Variants in PRKG1 observed in about 807,000 individuals in gnomAD.
PRKG1 encodes the protein cGMP-dependent protein kinase 1.
Under a neutral mutation model 88.1 loss-of-function variants are expected in PRKG1, and 35 were observed. The observed-to-expected ratio is 0.40, with a 90% confidence interval of 0.30 to 0.53. PRKG1 has a LOEUF of 0.53. Among genes scored for constraint, PRKG1 ranks in the 20% least tolerant of loss-of-function variants. PRKG1 has a pLI of 0.59. For missense variants in PRKG1, 540 were observed against 839.8 expected, an observed-to-expected ratio of 0.64 and a Z score of 4.41; for synonymous variants, 303 against 292.5, an observed-to-expected ratio of 1.04 and a Z score of -0.37.
intron 3 of PRKG1, among the ~76,000 whole-genome samples, chr10:51,788,280 C>G (rs900024409): frequency 6.6e-6 from 1 of 152,264 alleles, no homozygotes; most frequent in Non-Finnish European, 1.5e-5. Context: ...TCAATTACAG[C>G]TTATTTTTCT....
intron 4 of PRKG1, among the ~76,000 whole-genome samples, chr10:51,805,252 A>G (rs1839274648): frequency 3.3e-5 from 5 of 152,010 alleles, no homozygotes; most frequent in Non-Finnish European, 7.4e-5. Context: ...GAAATATCAA[A>G]AGCTTTTCTT....
At chr10:51,243,823 G>T (rs1025943408) in intron 2 of PRKG1, among the ~76,000 whole-genome samples, 2 of 152,120 alleles carry the variant, frequency 1.3e-5, no homozygotes, top group African/African-American at 4.8e-5. Flanking sequence ...GGCTGGAAAC[G>T]GAACAATTAC....
At chr10:51,761,001 T>A (rs957734306) in intron 3 of PRKG1, among the ~76,000 whole-genome samples, 1 of 152,062 alleles carries the variant, frequency 6.6e-6, no homozygotes, top group East Asian at 2.0e-4. Context: ...GTATCCCAAC[T>A]ACTTGGGAGG....
chr10:51,773,598 G>A (rs1351478429), intron 3 of PRKG1, among the ~76,000 whole-genome samples: 1 of 152,022 alleles, frequency 6.6e-6, no homozygotes, highest in East Asian at 1.9e-4. Context: ...TAAAAAATAT[G>A]ATTTACCTCT....
At chr10:52,159,735 T>G (rs1353481537) in intron 8 of PRKG1, among the ~76,000 whole-genome samples, 2 of 151,876 alleles carry the variant, frequency 1.3e-5, no homozygotes, top group Non-Finnish European at 2.9e-5. Flanking sequence ...TAAAGTGTCC[T>G]TAATTCAAAT....
intron 1 of PRKG1, among the ~76,000 whole-genome samples, chr10:51,028,253 C>T (rs1843235285): frequency 6.6e-6 from 1 of 151,884 alleles, no homozygotes; most frequent in African/African-American, 2.4e-5. Flanking sequence ...TTGAGGAAGC[C>T]CCAGGTTATT....
chr10:51,921,765 C>T (rs944884718), intron 5 of PRKG1, among the ~76,000 whole-genome samples: 4 of 152,044 alleles, frequency 2.6e-5, no homozygotes, highest in Middle Eastern at 3.4e-3. Context: ...ATAAATACTA[C>T]GTAGTCATGG....
chr10:52,108,986 C>A (rs1275576159), intron 7 of PRKG1, among the ~76,000 whole-genome samples: 3 of 151,922 alleles, frequency 2.0e-5, no homozygotes, highest in African/African-American at 7.3e-5. Context: ...AGCCACCATA[C>A]CCAGCTAATT....
chr10:51,366,431 C>T (rs1420639326), intron 2 of PRKG1, among the ~76,000 whole-genome samples: 1 of 151,942 alleles, frequency 6.6e-6, no homozygotes, highest in Non-Finnish European at 1.5e-5. Flanking sequence ...TCAAGACAAG[C>T]TTTAAAACTT....
chr10:51,907,788 A>T (rs2132946655), intron 5 of PRKG1: 2 of 421,770 alleles, frequency 4.7e-6, no homozygotes, highest in Admixed American at 8.7e-5. Context: ...ATAGAGGGAG[A>T]CAAACTTTTT....
chr10:51,719,455 T>A (rs765394985), intron 3 of PRKG1, among the ~76,000 whole-genome samples: 2 of 152,094 alleles, frequency 1.3e-5, no homozygotes, highest in Admixed American at 1.3e-4. Context: ...CAAACACAAA[T>A]TGAGGGACAT....
At chr10:51,538,521 C>T (rs531381615) in intron 3 of PRKG1, among the ~76,000 whole-genome samples, 9 of 83,126 alleles carry the variant, frequency 1.1e-4, no homozygotes, top group African/African-American at 3.3e-4. Context: ...GACACACATA[C>T]AAAAGTAATA....
intron 1 of PRKG1, among the ~76,000 whole-genome samples, chr10:51,112,998 G>T (rs1459236936): frequency 1.3e-5 from 2 of 152,186 alleles, no homozygotes. Context: ...GGCAGAAGGA[G>T]ACTTTAATTT....
chr10:51,148,216 A>T, intron 1 of PRKG1: 1 of 984,510 alleles, frequency 1.0e-6, no homozygotes, highest in African/African-American at 1.7e-5. Flanking sequence ...CTCAATGAAG[A>T]CTTGGATGTC....
upstream of PRKG1, among the ~76,000 whole-genome samples, chr10:51,071,111 A>C (rs371244476): frequency 2.0e-5 from 3 of 152,350 alleles, no homozygotes; most frequent in South Asian, 2.1e-4. Flanking sequence ...AGTTTACTAC[A>C]TGACACTTAG....
intron 3 of PRKG1, among the ~76,000 whole-genome samples, chr10:51,633,206 A>G (rs917284078): frequency 6.6e-6 from 1 of 152,158 alleles, no homozygotes; most frequent in African/African-American, 2.4e-5. Context: ...AACCACTCAC[A>G]TATTTTAAAA....
intron 5 of PRKG1, among the ~76,000 whole-genome samples, chr10:52,016,722 G>GA (rs943324378): frequency 2.6e-5 from 4 of 151,742 alleles, no homozygotes; most frequent in African/African-American, 9.7e-5. Context: ...ATGCAACAGT[G>GA]AAAAAAAGAG....
chr10:51,016,924 C>G (rs1322039919), intron 1 of PRKG1, among the ~76,000 whole-genome samples: 2 of 151,318 alleles, frequency 1.3e-5, no homozygotes, highest in Admixed American at 6.6e-5. Flanking sequence ...CCTTTGGGCT[C>G]CCAAAGTGCT....
At chr10:51,041,081 A>G (rs1158326783) in intron 1 of PRKG1, among the ~76,000 whole-genome samples, 1 of 151,932 alleles carries the variant, frequency 6.6e-6, no homozygotes, top group Admixed American at 6.6e-5. Flanking sequence ...CAAGCAGAGT[A>G]GTCTCTCCCT....
Sources: allele counts gnomAD v4.1 joint callset (sites outside exome capture counted in the v4.1 genomes callset), GRCh38; gene constraint gnomAD v4.1.1; transcripts MANE v1.5; gene names NCBI Gene and HGNC (gene_info 2026-07-23, HGNC 2026-07-21).